Variants in ZNF385D observed in about 807,000 individuals in gnomAD.
ZNF385D encodes zinc finger protein 385D.
A neutral mutation model predicts 35.8 loss-of-function variants in ZNF385D; 15 were observed. The ratio of observed to expected loss-of-function variants is 0.42; its 90% confidence interval spans 0.28 to 0.64. The LOEUF (loss-of-function observed/expected upper bound fraction) is 0.64, where lower values mean the gene tolerates loss of function less well. Among genes scored for constraint, ZNF385D ranks in the 30% least tolerant of loss-of-function variants. The probability of loss-of-function intolerance (pLI) is 0.23; values close to 1 mark genes in which losing one functional copy is unlikely to be tolerated. For synonymous variants in ZNF385D, 212 were observed against 186.8 expected (o/e 1.13, Z -1.10); for missense variants, 474 against 494.6 (o/e 0.96, Z 0.39).
In ZNF385D at chr3:21,437,066, T is replaced by A; in HGVS notation, c.577A>T (p.Thr193Ser). The A allele has an allele frequency of 6.2e-7, 1 of 1,614,034 alleles. No homozygotes were observed. The highest frequency in any genetic ancestry group is 1.1e-5 in the South Asian group (1 of 91,080). The part of the protein sequence containing the change: ...TATGNSSCPS[T>S]ETEEEKAKRL... Reference sequence around the variant, plus strand: ...TTTGCCTTTTCTTCCTCGGTCTCAGTAGAAGGACATGAGCTATTGCCAGTG... The same window carrying A: ...TTTGCCTTTTCTTCCTCGGTCTCAGAAGAAGGACATGAGCTATTGCCAGTG... Residue 193 changes from threonine (T) to serine (S), a missense_variant, in exon 5 of 8, where the codon ACT becomes TCT. Transcript: ENST00000281523.
intron 3 of ZNF385D, among the ~76,000 whole-genome samples, chr3:22,045,726 A>ATT (rs34470821): frequency 4.6e-5 from 7 of 150,884 alleles, no homozygotes; most frequent in African/African-American, 1.2e-4. Flanking sequence ...TCTCACTTCT[A>ATT]TTTTTTTTTG....
At chr3:21,579,901 C>T (rs1026237946) in intron 2 of ZNF385D, 10 of 151,982 alleles carry the variant, frequency 6.6e-5, no homozygotes, top group Admixed American at 1.3e-4. Context: ...CCAATCATAT[C>T]GAATTACCCT....
intron 2 of ZNF385D, among the ~76,000 whole-genome samples, chr3:21,586,627 T>C (rs956933257): frequency 6.6e-6 from 1 of 152,158 alleles, no homozygotes; most frequent in Non-Finnish European, 1.5e-5. Flanking sequence ...GCTGAACATG[T>C]AGGCTTGCAA....
chr3:22,366,364 C>A (rs1206604921), intron 2 of ZNF385D, among the ~76,000 whole-genome samples: 2 of 152,086 alleles, frequency 1.3e-5, no homozygotes, highest in South Asian at 4.1e-4. Flanking sequence ...CTTCGATATT[C>A]CCAGCACTAG....
At chr3:21,847,209 CA>C (rs138419588) in intron 3 of ZNF385D, among the ~76,000 whole-genome samples, 5,832 of 151,892 alleles carry the variant, frequency 0.038, 390 homozygotes, top group African/African-American at 0.13. Flanking sequence ...GTCATGGTAC[CA>C]AAAAACCCTG....
intron 2 of ZNF385D, among the ~76,000 whole-genome samples, chr3:22,245,750 G>C (rs1177355152): frequency 6.8e-6 from 1 of 146,126 alleles, no homozygotes; most frequent in Non-Finnish European, 1.5e-5. Flanking sequence ...TTTTTGGGGG[G>C]TGGTGGGGAG....
intron 3 of ZNF385D, among the ~76,000 whole-genome samples, chr3:21,762,857 G>C (rs1167083028): frequency 1.3e-5 from 2 of 152,104 alleles, no homozygotes; most frequent in African/African-American, 4.8e-5. Flanking sequence ...CTTTTTACAA[G>C]CTGGATCATT....
At chr3:22,290,951 G>A (rs571440246) in intron 2 of ZNF385D, among the ~76,000 whole-genome samples, 5 of 152,044 alleles carry the variant, frequency 3.3e-5, no homozygotes, top group East Asian at 3.9e-4. Context: ...CTTGTTGTGC[G>A]GGCATGAGGA....
At chr3:21,730,200 T>A (rs895837634) in intron 1 of ZNF385D, among the ~76,000 whole-genome samples, 1 of 151,934 alleles carries the variant, frequency 6.6e-6, no homozygotes, top group Non-Finnish European at 1.5e-5. Flanking sequence ...GAGCATAGGA[T>A]CAAAATCATT....
Position 21,632,839 on chromosome 3 carries a change from G to A in ZNF385D, c.165+32047C>T, listed in dbSNP as rs1432696082. On this transcript the variant is annotated intron_variant, in intron 2 of 7. Coordinates refer to ENST00000281523, the MANE Select transcript of ZNF385D (RefSeq NM_024697.3). ...AAGTTACATTGTCATCAAGCAATGG[G>A]AACTCCTGAGAAATTATTTTTCATG... Among the ~76,000 whole-genome samples, 3 of 152,016 alleles carry A rather than the reference G, an allele frequency of 2.0e-5. No individual in the cohort carries two copies. In the South Asian group the frequency reaches 6.2e-4, roughly 32 times the overall value.
chr3:22,335,547 A>G (rs1695124957), intron 2 of ZNF385D, among the ~76,000 whole-genome samples: 2 of 152,246 alleles, frequency 1.3e-5, no homozygotes, highest in South Asian at 2.1e-4. Flanking sequence ...AATCAATCCT[A>G]TTGAATACCC....
At chr3:22,053,024 C>A (rs1699350914) in intron 3 of ZNF385D, among the ~76,000 whole-genome samples, 1 of 77,894 alleles carries the variant, frequency 1.3e-5, no homozygotes. Flanking sequence ...TGGTGGGCTC[C>A]ACCCAGTTCG....
chr3:22,350,976 AT>A (rs1309375650), intron 2 of ZNF385D, among the ~76,000 whole-genome samples: 2 of 152,096 alleles, frequency 1.3e-5, no homozygotes, highest in East Asian at 3.9e-4. Flanking sequence ...TTAAGATATC[AT>A]AATTAGGACA....
At chr3:22,205,658 T>G (rs1697099193) in intron 2 of ZNF385D, among the ~76,000 whole-genome samples, 1 of 152,068 alleles carries the variant, frequency 6.6e-6, no homozygotes, top group African/African-American at 2.4e-5. Flanking sequence ...TATGTTTGTT[T>G]ATGCAACAGT....
intron 3 of ZNF385D, among the ~76,000 whole-genome samples, chr3:21,805,069 C>T (rs369596467): frequency 6.6e-5 from 10 of 152,112 alleles, no homozygotes; most frequent in Non-Finnish European, 4.4e-5. Flanking sequence ...GGTGGGTTTC[C>T]GCTTTCAAAC....
Position 21,759,203 on chromosome 3 carries a change from T to C in ZNF385D, c.326-94175A>G, listed in dbSNP as rs1301861006. 1.3e-5 allele frequency among the ~76,000 whole-genome samples: 2 copies of C among 152,068 alleles called. 1 individual carries two copies. The highest frequency in any genetic ancestry group is 2.9e-5 in the Non-Finnish European group (2 of 68,036). On this transcript the variant is annotated intron_variant, in intron 3 of 5. Transcript: ENST00000494108. Reference sequence around the variant, plus strand: ...AAGGGTCTGGTAAAAGATGATATTATGAAGGGGTTCAGGCAATCCTGAGAA... The same window carrying C: ...AAGGGTCTGGTAAAAGATGATATTACGAAGGGGTTCAGGCAATCCTGAGAA...
intron 3 of ZNF385D, among the ~76,000 whole-genome samples, chr3:22,037,875 C>T (rs1698436365): frequency 6.6e-6 from 1 of 152,084 alleles, no homozygotes; most frequent in Admixed American, 6.6e-5. Flanking sequence ...GGTACCAAAA[C>T]AGAGATATAG....
At chr3:21,427,085 G>A (rs576584431) in intron 5 of ZNF385D, among the ~76,000 whole-genome samples, 11 of 152,116 alleles carry the variant, frequency 7.2e-5, no homozygotes, top group East Asian at 1.9e-4. Flanking sequence ...GATGCTTCAC[G>A]GGAGCTTATT....
intron 5 of ZNF385D, among the ~76,000 whole-genome samples, chr3:21,432,173 G>T (rs1168644814): frequency 5.3e-5 from 8 of 151,976 alleles, no homozygotes; most frequent in African/African-American, 1.9e-4. Context: ...ATTTTGAAAA[G>T]AAATTATCTG....
Sources: gnomAD v4.1 joint callset for allele counts (sites outside exome capture counted in the v4.1 genomes callset) on GRCh38, gnomAD v4.1.1 for gene constraint, MANE v1.5 for transcripts, NCBI Gene and HGNC (gene_info 2026-07-23, HGNC 2026-07-21) for gene names.